Variants in NAT10 observed in about 807,000 individuals in gnomAD.
NAT10 encodes the protein RNA cytidine acetyltransferase.
In NAT10, 109 loss-of-function variants were observed where a neutral mutation model predicts 132.2. That is an observed-to-expected ratio of 0.82 (90% CI 0.71 to 0.97). The LOEUF (loss-of-function observed/expected upper bound fraction) is 0.97, where lower values mean the gene tolerates loss of function less well. NAT10 is among the 50% of genes least tolerant of loss of function. The probability of loss-of-function intolerance (pLI) is 0.00; values close to 1 mark genes in which losing one functional copy is unlikely to be tolerated. For missense variants in NAT10, 1,184 were observed against 1,263.4 expected (o/e 0.94, Z 0.95); for synonymous variants, 479 against 478.0 (o/e 1.00, Z -0.03).
At chr11:34,142,580 A>G (rs1179532471) in intron 27 of NAT10, among the ~76,000 whole-genome samples, 1 of 152,156 alleles carries the variant, frequency 6.6e-6, no homozygotes, top group East Asian at 1.9e-4. Context: ...GCACTCTCTG[A>G]TCCCCAAGGC....
rs1851644133 is a variant in NAT10, at chr11:34,108,880, C to T, written c.200+47C>T. On this transcript the variant is annotated intron_variant, in intron 3 of 28. Coordinates refer to ENST00000257829, the MANE Select transcript of NAT10 (RefSeq NM_024662.3). ...TTTTATCCAACTTACAATTCCTGCT[C>T]ATTAGTTAAATGCCAGGAAATGATT... The T allele has an allele frequency of 4.0e-6, 6 of 1,517,110 alleles. No homozygotes were observed. The Admixed American group carries it at 5.8e-5, about 15-fold the overall frequency. The allele number at this position is 1,517,110 out of a possible 1,614,324, so 94.0% of individuals were successfully genotyped here. A position where few individuals can be genotyped will look rare whatever the true frequency, so the allele number is the denominator to read the frequency against.
chr11:34,126,114 C>T (rs1590770443), intron 11 of NAT10, among the ~76,000 whole-genome samples: 1 of 152,214 alleles, frequency 6.6e-6, no homozygotes, highest in Non-Finnish European at 1.5e-5. Flanking sequence ...AACATTCAGG[C>T]ACCCAACACT....
rs775627075 is a variant in NAT10, at chr11:34,123,782, C to T, written c.935C>T (p.Thr312Ile). The stretch of plus-strand genomic sequence containing the variant: ...TGTAGGTACTCCAATATCTTTGTTA[C>T]CTCCCCAAGCCCTGATAACCTCCAT... ...VAFGYSNIFVTSPSPDNLHTL... is the reference protein window; with the variant it reads ...VAFGYSNIFVISPSPDNLHTL... Residue 312 changes from threonine (T) to isoleucine (I), a missense_variant, in exon 10 of 29, where the codon ACC becomes ATC. By Grantham distance (89) the Thr-to-Ile change is moderately conservative. Transcript: ENST00000257829. 1.2e-6 allele frequency: 2 copies of T among 1,607,892 alleles called. No homozygotes were observed. Among genetic ancestry groups the T allele is most frequent in the Admixed American group, 1.7e-5 (1 of 60,008 alleles).
intron 12 of NAT10, 79 bp from the exon 13 acceptor site, chr11:34,130,734 G>A: frequency 6.5e-7 from 1 of 1,540,834 alleles, no homozygotes; most frequent in African/African-American, 1.4e-5. Context: ...TTCAGCAGGT[G>A]GAGGAAAGCA....
In NAT10 at chr11:34,127,589, A is replaced by G; in HGVS notation, c.1234A>G (p.Thr412Ala). ...LGPYLVFMAS[T>A]INGYEGTGRS... ...CCCCTACCTTGTTTTCATGGCATCC[A>G]CCATCAATGGGTAAGGTACTGTGGG... The change falls in exon 12 of 29, where the codon ACC becomes GCC. Residue 412 changes from threonine to alanine, a missense_variant. Coordinates refer to ENST00000257829, the MANE Select transcript of NAT10 (RefSeq NM_024662.3). The G allele has an allele frequency of 6.2e-7, 1 of 1,612,960 alleles. No individual in the cohort carries two copies. Among genetic ancestry groups the G allele is most frequent in the South Asian group, 1.1e-5 (1 of 91,042 alleles).
At chr11:34,143,577 C>T in intron 28 of NAT10, 49 bp downstream of exon 28, 1 of 1,506,468 alleles carries the variant, frequency 6.6e-7, no homozygotes, top group Non-Finnish European at 9.1e-7. Flanking sequence ...GCATTCTGGC[C>T]TCTCTGCTTC....
chr11:34,130,965 C>G, intron 13 of NAT10, 28 bp downstream of exon 13: 2 of 1,612,366 alleles, frequency 1.2e-6, no homozygotes. Flanking sequence ...CCGGGTCCCG[C>G]GGTTCACAGC....
intron 19 of NAT10, among the ~76,000 whole-genome samples, chr11:34,136,385 G>C (rs1852213387): frequency 6.6e-6 from 1 of 152,212 alleles, no homozygotes; most frequent in Non-Finnish European, 1.5e-5. Flanking sequence ...CCCGGCCTCT[G>C]TCAGTCGTTT....
rs1205626397 is a variant in NAT10 at position 34,135,246 on chromosome 11, A to G, written c.1983A>G (p.Glu661=). ...YYEGRFPCLE[E]KVLETPQEIH... is the part of the protein sequence containing the mutation. ...AAGGCAGGTTTCCTTGTCTGGAGGAAAAGGTCCTTGAGACACCACAGGAAA... is the reference window on the plus strand; with the variant it reads ...AAGGCAGGTTTCCTTGTCTGGAGGAGAAGGTCCTTGAGACACCACAGGAAA... The change falls in exon 19 of 29, where the codon GAA becomes GAG. Residue 661 remains glutamate, a synonymous_variant. Coordinates refer to ENST00000257829, the MANE Select transcript of NAT10 (RefSeq NM_024662.3). The G allele has an allele frequency of 2.5e-6, 4 of 1,614,154 alleles. No homozygotes were observed. The Admixed American group carries it at 6.7e-5, about 27-fold the overall frequency.
intron 21 of NAT10, among the ~76,000 whole-genome samples, chr11:34,137,905 G>T (rs1852246646): frequency 6.6e-6 from 1 of 152,166 alleles, no homozygotes; most frequent in Admixed American, 6.5e-5. Flanking sequence ...CTGGCCATTG[G>T]ATTTGTCAGC....
At chr11:34,130,489 A>G (rs150878079) in intron 12 of NAT10, among the ~76,000 whole-genome samples, 110 of 152,280 alleles carry the variant, frequency 7.2e-4, no homozygotes, top group African/African-American at 2.4e-3. Context: ...CTTATTTTTT[A>G]AGTTCACATC....
At chr11:34,108,629 T>G in intron 2 of NAT10, 113 bp from the exon 3 acceptor site, 1 of 1,008,938 alleles carries the variant, frequency 9.9e-7, no homozygotes, top group South Asian at 1.6e-5. Flanking sequence ...CCTTGGGCAC[T>G]TCCCTTCCCT....
Position 34,141,813 on chromosome 11 carries a change from AC to A in NAT10, c.2809del (p.Leu937Ter). On this transcript the variant is annotated frameshift_variant, in exon 26 of 29. Transcript: ENST00000257829. LOFTEE classifies it high-confidence loss of function. ...CCCACGATGAAGACCCTCAGTGACG[AC>A]CTAGTATGTCCCTGCTCATGGCCTC... ...MEPTMKTLSDDLDEAAKEFQE... is the reference protein window; with the variant it reads ...MEPTMKTLSDXLDEAAKEFQE... The A allele has an allele frequency of 6.2e-7, 1 of 1,613,210 alleles. No individual in the cohort carries two copies.
chr11:34,118,305 G>A lies in NAT10; in HGVS notation c.672+11G>A. On this transcript the variant is annotated intron_variant, in intron 7 of 28. Transcript: ENST00000257829. ...CCTCCCCAGACTCCGGTGAGTCTGT[G>A]CTGGGGTCCAGGAATCTGGGGGAGG... 1 of 1,613,292 alleles carries A rather than the reference G, an allele frequency of 6.2e-7. No individual in the cohort carries two copies. Among genetic ancestry groups the A allele is most frequent in the Non-Finnish European group, 8.5e-7 (1 of 1,179,212 alleles).
rs1309004001 is a variant in NAT10 at position 34,123,767 on chromosome 11, C to G, written c.920C>G (p.Ser307Cys). ...AIAGAVAFGYSNIFVTSPSPD... is the reference protein window; with the variant it reads ...AIAGAVAFGYCNIFVTSPSPD... Reference sequence around the variant, plus strand: ...TCTTTTATTTTGTTCTGTAGGTACTCCAATATCTTTGTTACCTCCCCAAGC... The same window carrying G: ...TCTTTTATTTTGTTCTGTAGGTACTGCAATATCTTTGTTACCTCCCCAAGC... The change falls in exon 10 of 29, where the codon TCC becomes TGC. Residue 307 changes from serine to cysteine, a missense_variant. Coordinates refer to ENST00000257829, the MANE Select transcript of NAT10 (RefSeq NM_024662.3). 1.3e-6 allele frequency: 2 copies of G among 1,593,082 alleles called. No individual in the cohort carries two copies. The highest frequency in any genetic ancestry group is 2.2e-5 in the East Asian group (1 of 44,780).
intron 4 of NAT10, 27 bp from the exon 5 acceptor site, chr11:34,113,689 G>T (rs1420950920): frequency 6.5e-7 from 1 of 1,547,174 alleles, no homozygotes. Flanking sequence ...TGCATGACCA[G>T]CCCTTTCTAA....
At chr11:34,124,981 A>G (rs1404710020) in intron 11 of NAT10, among the ~76,000 whole-genome samples, 1 of 152,208 alleles carries the variant, frequency 6.6e-6, no homozygotes, top group African/African-American at 2.4e-5. Flanking sequence ...ACTGAGACTA[A>G]TGGGCTCTTA....
chr11:34,141,961 C>T, intron 26 of NAT10, 144 bp downstream of exon 26: 3 of 695,552 alleles, frequency 4.3e-6, no homozygotes, highest in Non-Finnish European at 2.4e-6. Context: ...TTTAATTGGA[C>T]AAACGGACCC....
At chr11:34,130,680 C>A in intron 12 of NAT10, 133 bp from the exon 13 acceptor site, 1 of 1,192,044 alleles carries the variant, frequency 8.4e-7, no homozygotes, top group Non-Finnish European at 1.2e-6. Context: ...GCTGGAAGTT[C>A]AGAGATGAGC....
Sources: allele counts gnomAD v4.1 joint callset (sites outside exome capture counted in the v4.1 genomes callset), GRCh38; gene constraint gnomAD v4.1.1; transcripts MANE v1.5; gene names NCBI Gene and HGNC (gene_info 2026-07-23, HGNC 2026-07-21).